Variants in FNBP1L observed in about 807,000 individuals in gnomAD.
The protein encoded by FNBP1L is formin binding protein 1 like.
FNBP1L carries 36 observed loss-of-function variants against 91.2 expected under a neutral mutation model. The ratio of observed to expected loss-of-function variants is 0.39; its 90% CI spans 0.30 to 0.52. The LOEUF is 0.52. FNBP1L is among the 20% of genes least tolerant of loss of function. The pLI is 0.66. For missense variants in FNBP1L, 571 were observed against 732.1 expected (o/e 0.78, Z 2.54); for synonymous variants, 242 against 237.0 (o/e 1.02, Z -0.19).
At chr1:93,508,110 G>A (rs1177352379) in intron 2 of FNBP1L, among the ~76,000 whole-genome samples, 2 of 152,004 alleles carry the variant, frequency 1.3e-5, no homozygotes, top group African/African-American at 2.4e-5. Context: ...CATTTTGGGA[G>A]GTGGAGGCAG....
chr1:93,475,666 G>A (rs1307484703), intron 1 of FNBP1L, among the ~76,000 whole-genome samples: 2 of 152,180 alleles, frequency 1.3e-5, no homozygotes, highest in Non-Finnish European at 2.9e-5. Context: ...AAGTGTAAAT[G>A]TTAGATAAAT....
chr1:93,540,243 G>C (rs939815612), intron 10 of FNBP1L, among the ~76,000 whole-genome samples: 4 of 151,974 alleles, frequency 2.6e-5, no homozygotes, highest in Admixed American at 6.6e-5. Flanking sequence ...GAGCACTATG[G>C]TTGGTCTCTT....
chr1:93,532,907 A>G lies in FNBP1L; in HGVS notation c.640-15A>G. The G allele has an allele frequency of 6.3e-7, 1 of 1,575,820 alleles. No individual in the cohort carries two copies. Among genetic ancestry groups the G allele is most frequent in the Non-Finnish European group, 8.6e-7 (1 of 1,158,820 alleles). ...AATTCAGTTTTCTCTTTTTAAAAAA[A>G]TTCTTGATTATTAGCAACTACAAGA... On this transcript the variant is annotated splice_polypyrimidine_tract_variant and intron_variant, in intron 7 of 16. Transcript: ENST00000271234.
intron 1 of FNBP1L, among the ~76,000 whole-genome samples, chr1:93,489,988 C>G (rs1225402898): frequency 6.6e-6 from 1 of 152,146 alleles, no homozygotes; most frequent in Non-Finnish European, 1.5e-5. Context: ...CAAACTAGGA[C>G]AGCAAAGTCA....
At position 93,530,835 on chromosome 1, in the gene FNBP1L, T is replaced by C; in HGVS notation, c.591T>C (p.Asn197=). 2 of 1,560,864 alleles carry C rather than the reference T, an allele frequency of 1.3e-6. No individual in the cohort carries two copies. The highest frequency in any genetic ancestry group is 1.9e-5 in the Admixed American group (1 of 52,222). ...NEYAAQLQNF[N]GEQHKHFYVV... is the part of the protein sequence containing the mutation. ...ATGCTGCACAATTACAAAACTTTAA[T>C]GGAGAACAACATAAACATTTTTATG... The change falls in exon 7 of 17, where the codon AAT becomes AAC. Residue 197 remains asparagine (N), a synonymous_variant. Transcript: ENST00000271234.
intron 1 of FNBP1L, among the ~76,000 whole-genome samples, chr1:93,479,042 CCCCAATATTTCAACGTAGGTTCTTTCT>C (rs1278031020): frequency 1.3e-5 from 2 of 152,238 alleles, no homozygotes; most frequent in African/African-American, 4.8e-5. Flanking sequence ...GGGGAACCCA[CCCCAATATTTCAACGTAGGTTCTTTCT>C]ATTTTCCCTG....
intron 2 of FNBP1L, among the ~76,000 whole-genome samples, chr1:93,505,314 G>A (rs1461523103): frequency 6.6e-6 from 1 of 152,014 alleles, no homozygotes; most frequent in Non-Finnish European, 1.5e-5. Flanking sequence ...GGGTACACTC[G>A]TGCCACAAGA....
At chr1:93,488,617 G>C (rs1056009738) in intron 1 of FNBP1L, among the ~76,000 whole-genome samples, 9 of 152,034 alleles carry the variant, frequency 5.9e-5, no homozygotes, top group Non-Finnish European at 1.2e-4. Context: ...CTGGCATTCT[G>C]GCGCTCACAC....
intron 1 of FNBP1L, among the ~76,000 whole-genome samples, chr1:93,477,572 A>G (rs1164472218): frequency 6.6e-6 from 1 of 152,214 alleles, no homozygotes; most frequent in Non-Finnish European, 1.5e-5. Flanking sequence ...TAGACCTTTA[A>G]ATACTCTTCA....
At chr1:93,549,547 A>C in intron 15 of FNBP1L, 121 bp downstream of exon 15, 1 of 766,820 alleles carries the variant, frequency 1.3e-6, no homozygotes, top group Non-Finnish European at 2.0e-6. Flanking sequence ...TTATTATCCC[A>C]TTTCTTTAGT....
intron 2 of FNBP1L, among the ~76,000 whole-genome samples, chr1:93,502,526 T>C (rs1670470637): frequency 1.3e-5 from 2 of 152,176 alleles, no homozygotes; most frequent in Non-Finnish European, 2.9e-5. Context: ...ATGGCAGACT[T>C]GTTTGCCTTC....
chr1:93,511,848 C>T (rs1325317322), intron 2 of FNBP1L, among the ~76,000 whole-genome samples: 3 of 150,266 alleles, frequency 2.0e-5, no homozygotes, highest in Non-Finnish European at 4.5e-5. Flanking sequence ...CGCCTGTAGT[C>T]CCAGCTACTT....
intron 1 of FNBP1L, among the ~76,000 whole-genome samples, chr1:93,483,205 AAAAAAAG>A (rs1669776629): frequency 6.6e-6 from 1 of 151,478 alleles, no homozygotes; most frequent in African/African-American, 2.4e-5. Flanking sequence ...AAAAAAAAAA[AAAAAAAG>A]AAAGGAAAGC....
chr1:93,482,257 T>C (rs187311561), intron 1 of FNBP1L, among the ~76,000 whole-genome samples: 1 of 152,310 alleles, frequency 6.6e-6, no homozygotes, highest in African/African-American at 2.4e-5. Context: ...TCATTTCTTC[T>C]TAGCTGCTAA....
At chr1:93,495,194 A>G (rs1029267052) in intron 1 of FNBP1L, among the ~76,000 whole-genome samples, 1 of 152,210 alleles carries the variant, frequency 6.6e-6, no homozygotes, top group African/African-American at 2.4e-5. Context: ...TTTAGGAGAG[A>G]TTTCACATGG....
chr1:93,544,021 T>G, intron 11 of FNBP1L, 86 bp from the exon 12 acceptor site: 1 of 895,372 alleles, frequency 1.1e-6, no homozygotes. Context: ...TTAAGATTGG[T>G]ATGTATTCTT....
chr1:93,462,615 T>C (rs185984939), intron 1 of FNBP1L, among the ~76,000 whole-genome samples: 1 of 152,302 alleles, frequency 6.6e-6, no homozygotes, highest in Admixed American at 6.5e-5. Context: ...TGGTCAAGCA[T>C]ATTGTAGGAT....
intron 2 of FNBP1L, among the ~76,000 whole-genome samples, chr1:93,514,754 T>C (rs1239819146): frequency 2.7e-5 from 4 of 150,918 alleles, no homozygotes; most frequent in South Asian, 2.1e-4. Flanking sequence ...TTACACCTTA[T>C]ACAAAAATCA....
At chr1:93,552,364 A>C (rs748640603) in intron 16 of FNBP1L, 45 bp from the exon 17 acceptor site, 3 of 1,600,954 alleles carry the variant, frequency 1.9e-6, no homozygotes, top group Admixed American at 1.7e-5. Flanking sequence ...GGTTTTACCA[A>C]AGGTCTTCAG....
Sources: allele counts gnomAD v4.1 joint callset (sites outside exome capture counted in the v4.1 genomes callset), GRCh38; gene constraint gnomAD v4.1.1; transcripts MANE v1.5; gene names NCBI Gene and HGNC (gene_info 2026-07-23, HGNC 2026-07-21).